Variants in PLAAT3 observed in about 807,000 individuals in gnomAD.
PLAAT3 encodes the protein phospholipase A and acyltransferase 3, also known as Ca-independent phospholipase A1/2.
Under a neutral mutation model 16.7 loss-of-function variants are expected in PLAAT3, and 21 were observed. The observed-to-expected ratio is 1.26, with a 90% CI of 0.89 to 1.81. PLAAT3 has a LOEUF of 1.81. PLAAT3 is among the 40% of genes most tolerant of loss of function. PLAAT3 has a pLI of 0.00. For missense variants in PLAAT3, 219 were observed against 213.7 expected (o/e 1.02, Z -0.16); for synonymous variants, 76 against 81.7 (o/e 0.93, Z 0.38).
upstream of PLAAT3, among the ~76,000 whole-genome samples, chr11:63,616,123 G>A (rs1325463765): frequency 6.6e-6 from 1 of 152,044 alleles, no homozygotes; most frequent in African/African-American, 2.4e-5. Context: ...AAACCTCTCC[G>A]TAATTTTCAA....
intron 2 of PLAAT3, among the ~76,000 whole-genome samples, chr11:63,612,710 C>T (rs552491737): frequency 6.6e-6 from 1 of 152,154 alleles, no homozygotes; most frequent in African/African-American, 2.4e-5. Context: ...TTCCTTTTTT[C>T]AAAAATACAT....
intron 4 of PLAAT3, among the ~76,000 whole-genome samples, chr11:63,582,450 C>T (rs908969366): frequency 6.6e-6 from 1 of 152,164 alleles, no homozygotes. Context: ...CATGGTTTCC[C>T]TTGTGGAGAA....
chr11:63,590,462 C>T, intron 3 of PLAAT3, 94 bp from the exon 4 acceptor site: 5 of 1,080,546 alleles, frequency 4.6e-6, no homozygotes, highest in Non-Finnish European at 6.8e-6. Flanking sequence ...GCCCTTGGCT[C>T]ATCCACAAAG....
chr11:63,610,855 C>T (rs1052348276), intron 2 of PLAAT3, among the ~76,000 whole-genome samples: 8 of 152,110 alleles, frequency 5.3e-5, no homozygotes, highest in Admixed American at 5.2e-4. Context: ...TCCCCGCCCA[C>T]TCATTCTAGC....
chr11:63,616,178 T>C (rs986767399), upstream of PLAAT3: 1 of 152,170 alleles, frequency 6.6e-6, no homozygotes, highest in Non-Finnish European at 1.5e-5. Context: ...TGTTGTGCAA[T>C]AGATCTGGTG....
chr11:63,582,926 T>A (rs1371201698), intron 4 of PLAAT3, among the ~76,000 whole-genome samples: 2 of 151,838 alleles, frequency 1.3e-5, no homozygotes, highest in African/African-American at 4.8e-5. Context: ...AGGTCAGGAG[T>A]TCGAGACCAG....
rs2134403931 is a variant in PLAAT3 at position 63,588,223 on chromosome 11, C to T, written c.387+1877G>A. 1.3e-5 allele frequency among the ~76,000 whole-genome samples: 2 copies of T among 152,166 alleles called. 1 individual carries two copies. The highest frequency in any genetic ancestry group is 4.2e-4 in the South Asian group (2 of 4,818). Reference sequence around the variant, plus strand: ...TAGCTGAGATTACAGATGCCCAGCACCATGCCCGGCTAATTTTTGTATTTT... The same window carrying T: ...TAGCTGAGATTACAGATGCCCAGCATCATGCCCGGCTAATTTTTGTATTTT... On this transcript the variant is annotated intron_variant, in intron 4 of 4. Transcript: ENST00000415826.
At chr11:63,607,106 TG>T (rs1938587655) in intron 2 of PLAAT3, among the ~76,000 whole-genome samples, 1 of 151,404 alleles carries the variant, frequency 6.6e-6, no homozygotes. Context: ...TGGAATGAGG[TG>T]GGGTGTGAAG....
At chr11:63,614,988 C>A (rs1200806022), upstream of PLAAT3, among the ~76,000 whole-genome samples, 2 of 140,660 alleles carry the variant, frequency 1.4e-5, no homozygotes, top group Non-Finnish European at 3.1e-5. Flanking sequence ...GCACTCTAGC[C>A]TGTGCAACAA....
chr11:63,615,060 ATATGTGTGTATATATGTG>A (rs1938805446), upstream of PLAAT3, among the ~76,000 whole-genome samples: 1 of 10,480 alleles, frequency 9.5e-5, no homozygotes, highest in Non-Finnish European at 8.4e-4. Flanking sequence ...ATGTGTATAT[ATATGTGTGTATATATGTG>A]TGTATATATG....
chr11:63,590,024 C>G (rs1173953813), intron 4 of PLAAT3, 76 bp downstream of exon 4: 1 of 1,422,844 alleles, frequency 7.0e-7, no homozygotes, highest in Non-Finnish European at 9.8e-7. Context: ...TTCATGCCTC[C>G]ATAGCCATGC....
At chr11:63,601,698 G>A (rs1346794160) in intron 2 of PLAAT3, among the ~76,000 whole-genome samples, 2 of 152,150 alleles carry the variant, frequency 1.3e-5, no homozygotes, top group South Asian at 2.1e-4. Context: ...ATACATGGCC[G>A]GATGCAGTGG....
At chr11:63,594,005 T>C (rs553688832) in intron 3 of PLAAT3, among the ~76,000 whole-genome samples, 4 of 152,336 alleles carry the variant, frequency 2.6e-5, no homozygotes, top group Admixed American at 6.5e-5. Context: ...TGGTTGCTCA[T>C]ACCAGGGCGC....
At chr11:63,610,919 T>C (rs1414120738) in intron 2 of PLAAT3, among the ~76,000 whole-genome samples, 3 of 151,958 alleles carry the variant, frequency 2.0e-5, no homozygotes, top group Admixed American at 2.0e-4. Flanking sequence ...CATCACAGGC[T>C]GAACTAAAGG....
At chr11:63,603,050 G>A (rs61929723) in intron 2 of PLAAT3, among the ~76,000 whole-genome samples, 4 of 152,156 alleles carry the variant, frequency 2.6e-5, no homozygotes, top group South Asian at 4.1e-4. Context: ...CTGAGATCAC[G>A]CCATTGCACT....
At chr11:63,577,150 G>C (rs1937638225) in intron 4 of PLAAT3, among the ~76,000 whole-genome samples, 1 of 150,722 alleles carries the variant, frequency 6.6e-6, no homozygotes, top group Non-Finnish European at 1.5e-5. Context: ...AACTGAACAT[G>C]ATGGTTGGCA....
intron 3 of PLAAT3, among the ~76,000 whole-genome samples, chr11:63,593,540 T>G (rs560136278): frequency 6.6e-6 from 1 of 152,226 alleles, no homozygotes; most frequent in East Asian, 1.9e-4. Flanking sequence ...CAGGCCACAG[T>G]GTAGACTTTG....
intron 4 of PLAAT3, among the ~76,000 whole-genome samples, chr11:63,579,689 A>G (rs934970070): frequency 8.7e-4 from 112 of 128,174 alleles, no homozygotes; most frequent in African/African-American, 3.3e-3. Flanking sequence ...ACATGGACAC[A>G]GGAAGGGGAA....
intron 4 of PLAAT3, among the ~76,000 whole-genome samples, chr11:63,578,617 G>A (rs963181887): frequency 2.0e-5 from 3 of 151,302 alleles, no homozygotes; most frequent in South Asian, 2.1e-4. Flanking sequence ...AACAAGAAAT[G>A]GGGAAAGGAT....
Sources: allele counts gnomAD v4.1 joint callset (sites outside exome capture counted in the v4.1 genomes callset), GRCh38; gene constraint gnomAD v4.1.1; transcripts MANE v1.5; gene names NCBI Gene and HGNC (gene_info 2026-07-23, HGNC 2026-07-21).